The following UVSSA variants were observed in gnomAD, a reference collection of about 807,000 sequenced individuals.
UVSSA encodes UV stimulated scaffold protein A, also known as UV-stimulated scaffold protein A.
In UVSSA, 72 loss-of-function variants were observed where a neutral mutation model predicts 73.9. That is an observed-to-expected ratio of 0.97 (90% CI 0.81 to 1.19). UVSSA has a LOEUF of 1.19. UVSSA is among the 50% of genes most tolerant of loss of function. The pLI is 0.00. For synonymous variants in UVSSA, 454 were observed against 391.3 expected (o/e 1.16, Z -1.89); for missense variants, 1,150 against 965.0 (o/e 1.19, Z -2.54).
chr4:1,354,655 C>T (rs1231223147), intron 5 of UVSSA, 80 bp from the exon 6 acceptor site: 1 of 1,334,044 alleles, frequency 7.5e-7, no homozygotes, highest in Non-Finnish European at 1.1e-6. Flanking sequence ...GAGCAGCCTT[C>T]CTTGCATGGT....
chr4:1,361,211 G>C (rs890489796), intron 7 of UVSSA, among the ~76,000 whole-genome samples: 1 of 152,230 alleles, frequency 6.6e-6, no homozygotes, highest in Non-Finnish European at 1.5e-5. Flanking sequence ...AGGCCCCCAG[G>C]CCTGTGGTGC....
At position 1,348,890 on chromosome 4, in the gene UVSSA, G is replaced by C. The variant is rs533865771; in HGVS notation, c.99-634G>C. 5.9e-5 allele frequency among the ~76,000 whole-genome samples: 9 copies of C among 152,346 alleles called. No individual in the cohort carries two copies. In the South Asian group the frequency reaches 1.7e-3, roughly 28 times the overall value. On this transcript the variant is annotated intron_variant, in intron 2 of 13. Coordinates refer to ENST00000389851, the MANE Select transcript of UVSSA (RefSeq NM_020894.4). ...TTCAGGAGGGGCTGGGAGATGTCCC[G>C]AGCTCTAGGCCTTCCTTCCTTCCTG...
intron 7 of UVSSA, chr4:1,357,818 C>T (rs1487359029): frequency 6.6e-6 from 1 of 152,330 alleles, no homozygotes; most frequent in African/African-American, 2.4e-5. Flanking sequence ...ACTAGCCCCT[C>T]CTGCCTCAGG....
chr4:1,378,575 G>A (rs145778477), intron 10 of UVSSA, among the ~76,000 whole-genome samples: 69 of 152,220 alleles, frequency 4.5e-4, no homozygotes, highest in African/African-American at 1.6e-3. Context: ...AGTGGTCCTC[G>A]GCCGAGGGGA....
chr4:1,383,817 A>T lies in UVSSA; in HGVS notation c.1913A>T (p.Asp638Val). ...GACGTGGAAGCAGCCACAGGGCAGG[A>T]TCTCGGCTCATCCAGGTACAGCGGG... ...MRDVEAATGQDLGSSRYSGKG... is the reference protein window; with the variant it reads ...MRDVEAATGQVLGSSRYSGKG... Residue 638 changes from aspartate (D) to valine (V), a missense_variant, in exon 13 of 14, where the codon GAT becomes GTT. By Grantham distance (152) the Asp-to-Val change is radical. Transcript: ENST00000389851. The T allele has an allele frequency of 1.9e-6, 3 of 1,613,612 alleles. No individual in the cohort carries two copies. The highest frequency in any genetic ancestry group is 2.5e-6 in the Non-Finnish European group (3 of 1,180,012).
At chr4:1,378,708 G>A (rs1450137550) in intron 10 of UVSSA, among the ~76,000 whole-genome samples, 6 of 152,190 alleles carry the variant, frequency 3.9e-5, no homozygotes, top group Admixed American at 1.3e-4. Context: ...TCCGAGTTCC[G>A]GGTGGCAGAA....
At chr4:1,351,958 G>T in intron 4 of UVSSA, 123 bp downstream of exon 4, 8 of 1,462,614 alleles carry the variant, frequency 5.5e-6, no homozygotes, top group Non-Finnish European at 5.5e-6. Flanking sequence ...AGGCTAGGTG[G>T]AGAGGATTCA....
In UVSSA at chr4:1,347,221, G is replaced by C. The variant is rs1379332927; in HGVS notation, c.-542G>C. On this transcript the variant is annotated 5_prime_UTR_variant, in exon 1 of 14. Coordinates refer to ENST00000389851, the MANE Select transcript of UVSSA (RefSeq NM_020894.4). ...AAGGGGCGGGGCGAGGCGAGCGGCC[G>C]CGTCAGCGGTAGGTGGGGCTGTGGT... 1.3e-5 allele frequency: 2 copies of C among 152,348 alleles called. No individual in the cohort carries two copies. The highest frequency in any genetic ancestry group is 2.9e-5 in the Non-Finnish European group (2 of 68,130). The allele number at this position is 152,348 out of a possible 1,614,324, so 9.4% of individuals were successfully genotyped here. A position where few individuals can be genotyped will look rare whatever the true frequency, so the allele number is the denominator to read the frequency against.
intron 8 of UVSSA, among the ~76,000 whole-genome samples, chr4:1,366,920 C>T (rs1268931170): frequency 2.0e-5 from 3 of 152,214 alleles, no homozygotes; most frequent in Admixed American, 6.5e-5. Context: ...GGTGGGCTCT[C>T]GTGGGCTCCT....
At position 1,360,686 on chromosome 4, in the gene UVSSA, T is replaced by C. The variant is rs115479883; in HGVS notation, c.1176+5441T>C. Among the ~76,000 whole-genome samples the C allele has an allele frequency of 2.6e-3, 400 of 152,110 alleles. 1 individual carries two copies. The highest frequency in any genetic ancestry group is 9.2e-3 in the African/African-American group (382 of 41,506). ...TCCTTTCCCGCCCCCGTGAGCCGAG[T>C]GTGTGTGTGACTCACCAGAGCCCGG... is the stretch of plus-strand genomic sequence containing the variant. On this transcript the variant is annotated intron_variant, in intron 7 of 13. Transcript: ENST00000389851.
intron 6 of UVSSA, 97 bp from the exon 7 acceptor site, chr4:1,355,020 C>T (rs1715479877): frequency 1.9e-6 from 3 of 1,553,952 alleles, no homozygotes; most frequent in South Asian, 1.2e-5. Context: ...TGCCAGGGAC[C>T]CCCCGGGCCA....
intron 7 of UVSSA, among the ~76,000 whole-genome samples, chr4:1,357,760 C>T (rs972276177): frequency 1.6e-4 from 24 of 152,360 alleles, no homozygotes; most frequent in African/African-American, 4.6e-4. Context: ...GCCTCCCAGA[C>T]CTCTGCAGGC....
intron 2 of UVSSA, among the ~76,000 whole-genome samples, chr4:1,349,002 G>C (rs1178357028): frequency 1.0e-5 from 1 of 95,800 alleles, no homozygotes; most frequent in Admixed American, 1.1e-4. Context: ...GGCGGTGTGC[G>C]TTGTGCCGGG....
chr4:1,352,564 C>T (rs566589984), intron 4 of UVSSA, among the ~76,000 whole-genome samples: 14 of 152,340 alleles, frequency 9.2e-5, no homozygotes, highest in South Asian at 2.1e-4. Flanking sequence ...GTGGGCTGAC[C>T]TCCCCTGCGC....
chr4:1,346,716 C>T (rs1713738521), upstream of UVSSA, among the ~76,000 whole-genome samples: 1 of 152,096 alleles, frequency 6.6e-6, no homozygotes, highest in Non-Finnish European at 1.5e-5. Flanking sequence ...CTCACCGGCC[C>T]TCTGCAGGTG....
At chr4:1,358,448 G>T (rs912525788) in intron 7 of UVSSA, 1 of 152,282 alleles carries the variant, frequency 6.6e-6, no homozygotes, top group Non-Finnish European at 1.5e-5. Context: ...ACTCTTCTCC[G>T]CAAACTGGTT....
chr4:1,360,203 G>T lies in UVSSA; in HGVS notation c.1176+4958G>T, dbSNP rs114640570. On this transcript the variant is annotated intron_variant, in intron 7 of 13. Coordinates refer to ENST00000389851, the MANE Select transcript of UVSSA (RefSeq NM_020894.4). Reference sequence around the variant, plus strand: ...CGGGGGGCGGGGTGCAGATACACAGGTTCTCTGGAGTCAGCACAGGGAACA... The same window carrying T: ...CGGGGGGCGGGGTGCAGATACACAGTTTCTCTGGAGTCAGCACAGGGAACA... 6.0e-3 allele frequency among the ~76,000 whole-genome samples: 907 copies of T among 152,348 alleles called. 7 individuals carry two copies. The highest frequency in any genetic ancestry group is 0.02 in the African/African-American group (826 of 41,580).
intron 7 of UVSSA, among the ~76,000 whole-genome samples, chr4:1,362,597 G>A (rs954281505): frequency 1.3e-5 from 2 of 152,148 alleles, no homozygotes; most frequent in Non-Finnish European, 2.9e-5. Context: ...CTGGATTCTT[G>A]CTCGTCCAGA....
chr4:1,394,208 C>T (rs539735557), exon 14 of UVSSA: 16 of 543,354 alleles, frequency 2.9e-5, no homozygotes, highest in Non-Finnish European at 4.2e-5. Context: ...TTCCATGCCT[C>T]CAGGAGTGTG....
Sources: gnomAD v4.1 joint callset for allele counts (sites outside exome capture counted in the v4.1 genomes callset) on GRCh38, gnomAD v4.1.1 for gene constraint, MANE v1.5 for transcripts, NCBI Gene and HGNC (gene_info 2026-07-23, HGNC 2026-07-21) for gene names.